Variants in SSX2IP observed in about 807,000 individuals in gnomAD.
SSX2IP encodes SSX family member 2 interacting protein.
Under a neutral mutation model 84.9 loss-of-function variants are expected in SSX2IP, and 55 were observed. The observed-to-expected ratio is 0.65, with a 90% confidence interval of 0.52 to 0.81. The LOEUF (loss-of-function observed/expected upper bound fraction) is 0.81, where lower values mean the gene tolerates loss of function less well. Ranked by LOEUF, SSX2IP falls within the 30% of genes least tolerant of loss-of-function variation. The probability of loss-of-function intolerance (pLI) is 0.00; values close to 1 mark genes in which losing one functional copy is unlikely to be tolerated. For missense variants in SSX2IP, 664 were observed against 705.2 expected (o/e 0.94, Z 0.66); for synonymous variants, 239 against 234.7 (o/e 1.02, Z -0.17).
At chr1:84,683,775 G>C (rs141339771) in intron 1 of SSX2IP, among the ~76,000 whole-genome samples, 49 of 152,288 alleles carry the variant, frequency 3.2e-4, no homozygotes, top group African/African-American at 1.0e-3. Context: ...GGCTTTCAAC[G>C]TAATCTTGAT....
At chr1:84,669,578 C>A in intron 4 of SSX2IP, 103 bp downstream of exon 4, 1 of 979,110 alleles carries the variant, frequency 1.0e-6, no homozygotes, top group Non-Finnish European at 1.5e-6. Flanking sequence ...AAAAGAAAAC[C>A]CTAAAGCTTA....
rs769558705 is a variant in SSX2IP, at chr1:84,658,432, T to TTA, written c.962_963dup (p.Ser322Ter). The TTA allele has an allele frequency of 6.2e-7, 1 of 1,614,132 alleles. No individual in the cohort carries two copies. Among genetic ancestry groups the TTA allele is most frequent in the Admixed American group, 1.7e-5 (1 of 60,030 alleles). ...GAAAGGTCCCACATACTCTCTCTGC[T>TTA]TAGTTCCCCGGCATCTTCTTCAACA... On this transcript the variant is annotated frameshift_variant, in exon 9 of 14. Transcript: ENST00000342203. LOFTEE classifies it high-confidence loss of function.
chr1:84,676,772 G>C (rs1283827119), intron 1 of SSX2IP, among the ~76,000 whole-genome samples: 1 of 137,220 alleles, frequency 7.3e-6, no homozygotes, highest in Non-Finnish European at 1.5e-5. Context: ...ACCCAGGCTG[G>C]AGTACAGTGG....
rs1318771886 is a variant in SSX2IP, at chr1:84,647,444, C to T, written c.1834G>A (p.Asp612Asn). The T allele has an allele frequency of 1.3e-6, 2 of 1,595,804 alleles. No homozygotes were observed. Among genetic ancestry groups the T allele is most frequent in the African/African-American group, 2.7e-5 (2 of 74,312 alleles). The change falls in exon 14 of 14, where the codon GAC becomes AAC. Residue 612 changes from aspartate to asparagine, a missense_variant. Coordinates refer to ENST00000342203, the MANE Select transcript of SSX2IP (RefSeq NM_001166293.2). ...SYTNSHVEKD[D>N]LP Reference sequence around the variant, plus strand: ...TCCAGTCCACATGTCTAAGGTAAGTCATCTTTTTCTACATGAGAATTTGTG... The same window carrying T: ...TCCAGTCCACATGTCTAAGGTAAGTTATCTTTTTCTACATGAGAATTTGTG...
chr1:84,667,144 C>T (rs1340922110), intron 4 of SSX2IP, among the ~76,000 whole-genome samples: 1 of 151,970 alleles, frequency 6.6e-6, no homozygotes, highest in African/African-American at 2.4e-5. Context: ...TGATATGTAG[C>T]ATATATGTCA....
intron 11 of SSX2IP, among the ~76,000 whole-genome samples, chr1:84,654,844 A>G (rs1019128032): frequency 6.6e-6 from 1 of 152,206 alleles, no homozygotes; most frequent in Non-Finnish European, 1.5e-5. Context: ...CAAACTATGA[A>G]TGTGATAACA....
rs182652939 is a variant in SSX2IP at position 84,679,202 on chromosome 1, T to G, written c.-89-7894A>C. 5.6e-3 allele frequency among the ~76,000 whole-genome samples: 849 copies of G among 152,344 alleles called. 13 individuals carry two copies. The highest frequency in any genetic ancestry group is 0.055 in the South Asian group (265 of 4,830). ...AAAAACTAGATATATTACAATTATT[T>G]AAAACTGTAATACCACCTTCAACTA... On this transcript the variant is annotated intron_variant, in intron 1 of 13. Coordinates refer to ENST00000342203, the MANE Select transcript of SSX2IP (RefSeq NM_001166293.2).
At chr1:84,665,150 T>G (rs1652597913) in intron 5 of SSX2IP, among the ~76,000 whole-genome samples, 1 of 152,160 alleles carries the variant, frequency 6.6e-6, no homozygotes, top group Non-Finnish European at 1.5e-5. Flanking sequence ...TCCTATTCTT[T>G]TATAAAGCCA....
chr1:84,660,053 T>C (rs1034225173), intron 8 of SSX2IP, among the ~76,000 whole-genome samples: 1 of 152,106 alleles, frequency 6.6e-6, no homozygotes. Flanking sequence ...TTTCGGTATA[T>C]GTTTTACAAG....
chr1:84,649,826 A>C, intron 13 of SSX2IP: 1 of 415,504 alleles, frequency 2.4e-6, no homozygotes, highest in Non-Finnish European at 4.7e-6. Context: ...AAAACACCAA[A>C]ATGTAGCAAT....
At chr1:84,680,632 TG>T (rs1654946519) in intron 1 of SSX2IP, among the ~76,000 whole-genome samples, 1 of 151,998 alleles carries the variant, frequency 6.6e-6, no homozygotes, top group Non-Finnish European at 1.5e-5. Context: ...ATATCTAATA[TG>T]AGCTTATTTA....
intron 11 of SSX2IP, among the ~76,000 whole-genome samples, chr1:84,654,694 G>A (rs1650815824): frequency 6.6e-6 from 1 of 152,030 alleles, no homozygotes; most frequent in East Asian, 1.9e-4. Flanking sequence ...TAATAATACA[G>A]AATATTTTCT....
Position 84,647,343 on chromosome 1 carries a change from T to C in SSX2IP, c.*90A>G, listed in dbSNP as rs1649568776. ...AACAACTCAGACCATCTTAAGTTAT[T>C]AGAGATAACTGACTTTATGACACAC... is the stretch of plus-strand genomic sequence containing the variant. On this transcript the variant is annotated 3_prime_UTR_variant, in exon 14 of 14. Coordinates refer to ENST00000342203, the MANE Select transcript of SSX2IP (RefSeq NM_001166293.2). The C allele has an allele frequency of 8.7e-7, 1 of 1,145,240 alleles. No homozygotes were observed. The highest frequency in any genetic ancestry group is 1.2e-6 in the Non-Finnish European group (1 of 827,728). 70.9% of individuals were successfully genotyped at this position (1,145,240 alleles called of 1,614,324 possible).
intron 1 of SSX2IP, among the ~76,000 whole-genome samples, chr1:84,689,655 A>AT (rs1656305941): frequency 6.6e-6 from 1 of 152,218 alleles, no homozygotes; most frequent in South Asian, 2.1e-4. Flanking sequence ...AGTATATTCT[A>AT]TGTCCTGGGC....
In SSX2IP at chr1:84,653,835, G is replaced by A. The variant is rs538243322; in HGVS notation, c.1390-1838C>T. 6.0e-5 allele frequency among the ~76,000 whole-genome samples: 9 copies of A among 150,598 alleles called. No homozygotes were observed. In the South Asian group the frequency reaches 1.9e-3, roughly 32 times the overall value. On this transcript the variant is annotated intron_variant, in intron 11 of 13. Coordinates refer to ENST00000342203, the MANE Select transcript of SSX2IP (RefSeq NM_001166293.2). ...ACCATGGATAAGAGATAATTCAACAGATGAAAGAAATCTTTTTTAAAAATG... is the reference window on the plus strand; with the variant it reads ...ACCATGGATAAGAGATAATTCAACAAATGAAAGAAATCTTTTTTAAAAATG...
Position 84,647,715 on chromosome 1 carries a change from A to T in SSX2IP, c.1671-108T>A, listed in dbSNP as rs532525433. The T allele has an allele frequency of 2.0e-4, 183 of 904,582 alleles. 1 individual carries two copies. In the African/African-American group the frequency reaches 2.9e-3, roughly 14 times the overall value. The allele number at this position is 904,582 out of a possible 1,614,324, so 56.0% of individuals were successfully genotyped here. On this transcript the variant is annotated intron_variant, in intron 13 of 13. Transcript: ENST00000342203. ...AAAAATAAGTTCCTTTTAATTCTAA[A>T]AATCTAGGCCAAAAATATAATTTAA...
intron 1 of SSX2IP, among the ~76,000 whole-genome samples, chr1:84,684,350 T>G (rs1220596531): frequency 6.6e-6 from 1 of 152,222 alleles, no homozygotes; most frequent in East Asian, 1.9e-4. Context: ...TAAATTAGTA[T>G]TCTATTTATA....
intron 5 of SSX2IP, among the ~76,000 whole-genome samples, chr1:84,665,014 T>A (rs970922305): frequency 6.6e-6 from 1 of 152,032 alleles, no homozygotes; most frequent in South Asian, 2.1e-4. Flanking sequence ...AATTCTCGAG[T>A]AAGAGTAAGT....
chr1:84,655,168 A>T, intron 11 of SSX2IP: 1 of 259,184 alleles, frequency 3.9e-6, no homozygotes. Flanking sequence ...AACTTGAAAT[A>T]CATTAAAAGT....
Sources: allele counts gnomAD v4.1 joint callset (sites outside exome capture counted in the v4.1 genomes callset), GRCh38; gene constraint gnomAD v4.1.1; transcripts MANE v1.5; gene names NCBI Gene and HGNC (gene_info 2026-07-23, HGNC 2026-07-21).